The following OGDH variants were observed in gnomAD, a reference collection of about 807,000 sequenced individuals.
The protein encoded by OGDH is 2-oxoglutarate dehydrogenase complex component E1.
Under a neutral mutation model 116.6 loss-of-function variants are expected in OGDH, and 38 were observed. The observed-to-expected ratio is 0.33, with a 90% CI of 0.25 to 0.43. OGDH has a LOEUF of 0.43. OGDH is among the 20% of genes least tolerant of loss of function. OGDH has a pLI of 1.00. For synonymous variants in OGDH, 488 were observed against 533.3 expected, an observed-to-expected ratio of 0.92 and a Z score of 1.17; for missense variants, 825 against 1,357.2, an observed-to-expected ratio of 0.61 and a Z score of 6.16.
chr7:44,653,035 C>T (rs1284800683), intron 4 of OGDH, among the ~76,000 whole-genome samples: 1 of 152,144 alleles, frequency 6.6e-6, no homozygotes, highest in Non-Finnish European at 1.5e-5. Flanking sequence ...TTAGAAACTC[C>T]TGCTTAATTA....
chr7:44,614,834 CTTT>C (rs201747358), intron 1 of OGDH, among the ~76,000 whole-genome samples: 7 of 111,156 alleles, frequency 6.3e-5, no homozygotes, highest in East Asian at 2.8e-4. Flanking sequence ...TCTTTTGGTT[CTTT>C]TTTTTTTTTT....
In OGDH at chr7:44,624,491, C is replaced by T; in HGVS notation, c.148C>T (p.Leu50Phe). The change falls in exon 2 of 23, where the codon CTC becomes TTC. Residue 50 changes from leucine to phenylalanine, a missense_variant. Physicochemically the swap from Leu to Phe is conservative, Grantham distance 22. Coordinates refer to ENST00000222673, the MANE Select transcript of OGDH (RefSeq NM_002541.4). ...YSAPVAAEPF[L>F]SGTSSNYVEE... ...TGCACCTGTTGCTGCTGAGCCCTTT[C>T]TCAGTGGGACTAGTTCGAACTATGT... The T allele has an allele frequency of 6.2e-7, 1 of 1,613,920 alleles. No individual in the cohort carries two copies. Among genetic ancestry groups the T allele is most frequent in the South Asian group, 1.1e-5 (1 of 91,062 alleles).
intron 10 of OGDH, among the ~76,000 whole-genome samples, chr7:44,684,012 G>A (rs1183983788): frequency 6.6e-6 from 1 of 152,182 alleles, no homozygotes; most frequent in African/African-American, 2.4e-5. Flanking sequence ...GTGGGTGTGG[G>A]AGGTGTTCTG....
At chr7:44,673,523 T>C (rs1787560926) in intron 5 of OGDH, among the ~76,000 whole-genome samples, 1 of 152,202 alleles carries the variant, frequency 6.6e-6, no homozygotes, top group Non-Finnish European at 1.5e-5. Context: ...GAACTGGGGT[T>C]GTCCCTTGGC....
chr7:44,694,140 C>T lies in OGDH; in HGVS notation c.1515+136C>T. ...GGGCTCTCTACTGCCAGGCCTCATGCTGGTTCCTTTGAGCTCCAAATAGTT... is the reference window on the plus strand; with the variant it reads ...GGGCTCTCTACTGCCAGGCCTCATGTTGGTTCCTTTGAGCTCCAAATAGTT... On this transcript the variant is annotated intron_variant, in intron 11 of 22. Transcript: ENST00000222673. This position sits in a 1 kb window ranked among gnomAD's most constrained non-coding sequence, Gnocchi z 4.2. The T allele has an allele frequency of 9.8e-7, 1 of 1,021,208 alleles. No homozygotes were observed. Among genetic ancestry groups the T allele is most frequent in the Non-Finnish European group, 1.4e-6 (1 of 713,494 alleles). The allele number at this position is 1,021,208 out of a possible 1,614,324, so 63.3% of individuals were successfully genotyped here.
At chr7:44,685,563 A>G (rs911100047) in intron 10 of OGDH, among the ~76,000 whole-genome samples, 12 of 152,040 alleles carry the variant, frequency 7.9e-5, no homozygotes, top group African/African-American at 1.9e-4. Context: ...GTTATGAATA[A>G]TGCTGCTATG....
intron 10 of OGDH, among the ~76,000 whole-genome samples, chr7:44,683,180 GA>G (rs535407924): frequency 2.6e-5 from 4 of 151,864 alleles, no homozygotes; most frequent in Admixed American, 6.6e-5. Flanking sequence ...AAATAAAAAA[GA>G]AAAAAATAGA....
chr7:44,626,695 G>A (rs1026073752), intron 2 of OGDH, among the ~76,000 whole-genome samples: 17 of 152,208 alleles, frequency 1.1e-4, no homozygotes, highest in African/African-American at 3.9e-4. Flanking sequence ...AGCTGCTCCT[G>A]CTGGAAGCTT....
intron 2 of OGDH, among the ~76,000 whole-genome samples, chr7:44,634,028 A>T (rs982930644): frequency 6.6e-6 from 1 of 152,168 alleles, no homozygotes; most frequent in Admixed American, 6.5e-5. Context: ...GCACCAGTGT[A>T]GCATGTCTCA....
At chr7:44,615,521 A>G (rs1471985374) in intron 1 of OGDH, among the ~76,000 whole-genome samples, 1 of 152,162 alleles carries the variant, frequency 6.6e-6, no homozygotes, top group Non-Finnish European at 1.5e-5. Context: ...TTCTGACACC[A>G]GCTGAGTGGA....
intron 1 of OGDH, among the ~76,000 whole-genome samples, chr7:44,613,211 T>A (rs186964332): frequency 6.6e-6 from 1 of 151,778 alleles, no homozygotes; most frequent in Non-Finnish European, 1.5e-5. Flanking sequence ...AGTCTCACTT[T>A]GTCGCCCAGG....
chr7:44,639,624 C>A (rs1011036286), intron 2 of OGDH, among the ~76,000 whole-genome samples: 2 of 152,208 alleles, frequency 1.3e-5, no homozygotes, highest in African/African-American at 4.8e-5. Context: ...ACAAAACATT[C>A]TATCACTCAA....
chr7:44,707,460 C>A lies in OGDH; in HGVS notation c.2796+72C>A. ...GGCTCTGGTGCCTTCACAGAACAGCCTTGCTTGGGGTGTGGCCCTCAGGTT... is the reference window on the plus strand; with the variant it reads ...GGCTCTGGTGCCTTCACAGAACAGCATTGCTTGGGGTGTGGCCCTCAGGTT... On this transcript the variant is annotated intron_variant, in intron 21 of 22. Coordinates refer to ENST00000222673, the MANE Select transcript of OGDH (RefSeq NM_002541.4). The surrounding 1 kb of genome is among the most constrained non-coding windows in gnomAD (Gnocchi z 5.2). The A allele has an allele frequency of 6.2e-7, 1 of 1,600,052 alleles. No individual in the cohort carries two copies. Among genetic ancestry groups the A allele is most frequent in the Non-Finnish European group, 8.5e-7 (1 of 1,172,166 alleles).
chr7:44,696,230 A>G (rs1788573867), intron 13 of OGDH, 103 bp downstream of exon 13: 3 of 1,051,130 alleles, frequency 2.9e-6, no homozygotes, highest in South Asian at 1.4e-5. Context: ...TGTACCCACA[A>G]TGCACAGTTG....
chr7:44,639,967 T>C (rs1030422996), intron 2 of OGDH, among the ~76,000 whole-genome samples: 22 of 152,220 alleles, frequency 1.4e-4, no homozygotes, highest in African/African-American at 3.9e-4. Flanking sequence ...CCTCAGCCAA[T>C]TGAAAATCAC....
intron 2 of OGDH, among the ~76,000 whole-genome samples, chr7:44,631,973 CAG>C (rs768436993): frequency 6.6e-6 from 1 of 152,174 alleles, no homozygotes; most frequent in Non-Finnish European, 1.5e-5. Flanking sequence ...AGGAGCCCAA[CAG>C]GGGCTCACGG....
chr7:44,625,068 T>G (rs1424018076), intron 2 of OGDH, among the ~76,000 whole-genome samples: 1 of 152,234 alleles, frequency 6.6e-6, no homozygotes, highest in East Asian at 1.9e-4. Flanking sequence ...TCTAAACTTT[T>G]CACCACATGA....
intron 20 of OGDH, among the ~76,000 whole-genome samples, 191 bp downstream of exon 20, chr7:44,701,806 G>A (rs1195278939): frequency 6.6e-6 from 1 of 152,182 alleles, no homozygotes; most frequent in African/African-American, 2.4e-5. Flanking sequence ...ACTTTGGGAG[G>A]CCGAGGCAGG....
intron 2 of OGDH, among the ~76,000 whole-genome samples, chr7:44,633,902 G>C (rs1346394222): frequency 6.6e-6 from 1 of 152,192 alleles, no homozygotes; most frequent in Non-Finnish European, 1.5e-5. Flanking sequence ...CATTTCCTGA[G>C]GTGTGTCAGA....
Sources: gnomAD v4.1 joint callset for allele counts (sites outside exome capture counted in the v4.1 genomes callset) on GRCh38, gnomAD v4.1.1 for gene constraint, Gnocchi (gnomAD v3.1) non-coding constraint, MANE v1.5 for transcripts, NCBI Gene and HGNC (gene_info 2026-07-23, HGNC 2026-07-21) for gene names.